Variants in SOS1 observed in about 807,000 individuals in gnomAD.
SOS1 encodes the protein son of sevenless homolog 1.
Under a neutral mutation model 157.6 loss-of-function variants are expected in SOS1, and 25 were observed. That is an observed-to-expected ratio of 0.16 (90% CI 0.12 to 0.22). The LOEUF (loss-of-function observed/expected upper bound fraction) is 0.22, where lower values mean the gene tolerates loss of function less well. Ranked by LOEUF, SOS1 falls within the 10% of genes least tolerant of loss-of-function variation. The pLI, the probability that SOS1 is intolerant of heterozygous loss-of-function variation, is 1.00. For missense variants in SOS1, 1,237 were observed against 1,599.1 expected, an observed-to-expected ratio of 0.77 and a Z score of 3.86; for synonymous variants, 528 against 534.0, an observed-to-expected ratio of 0.99 and a Z score of 0.16.
At chr2:39,090,289 G>A (rs956904782) in intron 1 of SOS1, among the ~76,000 whole-genome samples, 5 of 152,112 alleles carry the variant, frequency 3.3e-5, no homozygotes, top group African/African-American at 1.2e-4. Context: ...CCAGAGAAAT[G>A]TCTGATCCAA....
intron 21 of SOS1, 122 bp downstream of exon 21, chr2:38,989,148 G>C (rs1158855333): frequency 1.4e-6 from 1 of 716,250 alleles, no homozygotes; most frequent in African/African-American, 1.8e-5. Flanking sequence ...TCACTTCTAG[G>C]ATGTTGCAAG....
At chr2:39,061,622 A>G (rs1285320714) in intron 2 of SOS1, among the ~76,000 whole-genome samples, 1 of 152,122 alleles carries the variant, frequency 6.6e-6, no homozygotes, top group East Asian at 1.9e-4. Flanking sequence ...CCTGAGCTCA[A>G]AGTGATCCTT....
intron 8 of SOS1, among the ~76,000 whole-genome samples, chr2:39,030,766 T>C (rs762870560): frequency 1.3e-5 from 2 of 152,150 alleles, no homozygotes; most frequent in Non-Finnish European, 2.9e-5. Context: ...TGATCTTCTT[T>C]GGAAATAGGA....
Position 39,055,705 on chromosome 2 carries a change from T to G in SOS1, c.511-882A>C, listed in dbSNP as rs111557930. ...ATCAGTAAGAGTATAATGAGGAAAA[T>G]GGAATGAAATGCTTCATCAGAAAAC... On this transcript the variant is annotated intron_variant, in intron 4 of 22. Transcript: ENST00000402219. 6.3e-3 allele frequency among the ~76,000 whole-genome samples: 960 copies of G among 152,196 alleles called. 8 individuals are homozygous for G. Among genetic ancestry groups the G allele is most frequent in the African/African-American group, 0.022 (921 of 41,538 alleles).
chr2:39,029,021 T>A (rs557305491), intron 8 of SOS1, among the ~76,000 whole-genome samples: 1 of 152,334 alleles, frequency 6.6e-6, no homozygotes, highest in East Asian at 1.9e-4. Flanking sequence ...TGCTGTGTAA[T>A]TCAAGGCTTT....
chr2:39,080,064 T>C (rs1426096014), intron 1 of SOS1, among the ~76,000 whole-genome samples: 4 of 152,090 alleles, frequency 2.6e-5, no homozygotes, highest in African/African-American at 7.2e-5. Flanking sequence ...ATTACATTTA[T>C]TGTTTACTTT....
chr2:39,006,625 A>G (rs1669291000), intron 16 of SOS1, 96 bp from the exon 17 acceptor site: 1 of 746,368 alleles, frequency 1.3e-6, no homozygotes, highest in Non-Finnish European at 2.4e-6. Context: ...ATACAACAGT[A>G]TCAATTTGAT....
At chr2:39,045,172 C>T in intron 6 of SOS1, among the ~76,000 whole-genome samples, 1 of 151,200 alleles carries the variant, frequency 6.6e-6, no homozygotes, top group East Asian at 1.9e-4. Context: ...AATCCACAGT[C>T]GGTTGAATCC....
rs1489159567 is a variant in SOS1 at position 38,985,355 on chromosome 2, GA to G, written c.*468del. 1 of 189,854 alleles carries G rather than the reference GA, an allele frequency of 5.3e-6. No homozygotes were observed. Among genetic ancestry groups the G allele is most frequent in the Non-Finnish European group, 1.1e-5 (1 of 90,572 alleles). The allele number at this position is 189,854 out of a possible 1,614,324, so 11.8% of individuals were successfully genotyped here. ...TCACAGTCCTTTGAGTGATTTTTAAGAAAATATTCTAAAGTAGAAGAGTAAA... is the reference window on the plus strand; with the variant it reads ...TCACAGTCCTTTGAGTGATTTTTAAGAAATATTCTAAAGTAGAAGAGTAAA... On this transcript the variant is annotated 3_prime_UTR_variant, in exon 23 of 23. Transcript: ENST00000402219.
chr2:39,076,542 A>G (rs893330767), intron 1 of SOS1, among the ~76,000 whole-genome samples: 1 of 152,234 alleles, frequency 6.6e-6, no homozygotes, highest in Non-Finnish European at 1.5e-5. Context: ...AACAGATAAA[A>G]GGAGAAAAAT....
chr2:39,064,742 ATTTTTT>A (rs4015841), intron 2 of SOS1, among the ~76,000 whole-genome samples: 24 of 74,828 alleles, frequency 3.2e-4, no homozygotes, highest in Admixed American at 6.9e-4. Context: ...TTTAAAATAC[ATTTTTT>A]TTTTTTTTTT....
At chr2:39,099,382 T>C (rs1356627412) in intron 1 of SOS1, among the ~76,000 whole-genome samples, 1 of 152,184 alleles carries the variant, frequency 6.6e-6, no homozygotes, top group East Asian at 1.9e-4. Flanking sequence ...TTATATGAAA[T>C]GTCCAGAACA....
intron 8 of SOS1, among the ~76,000 whole-genome samples, chr2:39,028,615 T>G (rs963126687): frequency 1.3e-5 from 2 of 152,220 alleles, no homozygotes; most frequent in Non-Finnish European, 2.9e-5. Context: ...CCGTGACTTT[T>G]CACTATAATA....
intron 19 of SOS1, 95 bp downstream of exon 19, chr2:38,996,827 A>C (rs1170679936): frequency 1.3e-6 from 1 of 760,204 alleles, no homozygotes; most frequent in East Asian, 2.5e-5. Context: ...ACTTTTAACT[A>C]TCACATGTAT....
intron 19 of SOS1, 96 bp downstream of exon 19, chr2:38,996,826 T>G: frequency 1.3e-6 from 1 of 753,038 alleles, no homozygotes. Context: ...TACTTTTAAC[T>G]ATCACATGTA....
chr2:39,078,723 C>A (rs1188283007), intron 1 of SOS1, among the ~76,000 whole-genome samples: 1 of 152,088 alleles, frequency 6.6e-6, no homozygotes, highest in Non-Finnish European at 1.5e-5. Flanking sequence ...CATTCCCCCA[C>A]CATGGAAAAA....
intron 10 of SOS1, 26 bp downstream of exon 10, chr2:39,022,544 G>C: frequency 6.3e-7 from 1 of 1,589,744 alleles, no homozygotes; most frequent in Non-Finnish European, 8.6e-7. Flanking sequence ...GAAAACAAAA[G>C]TGACAGGCAA....
At chr2:39,011,653 G>A (rs1238047656) in intron 14 of SOS1, among the ~76,000 whole-genome samples, 1 of 152,136 alleles carries the variant, frequency 6.6e-6, no homozygotes, top group East Asian at 1.9e-4. Flanking sequence ...CATCAATGTA[G>A]TATGATTAAA....
At chr2:39,078,180 C>G (rs1672080641) in intron 1 of SOS1, among the ~76,000 whole-genome samples, 2 of 152,096 alleles carry the variant, frequency 1.3e-5, no homozygotes, top group Admixed American at 1.3e-4. Flanking sequence ...CAGCCTCAAT[C>G]TCAATCTCAA....
Sources: allele counts gnomAD v4.1 joint callset (sites outside exome capture counted in the v4.1 genomes callset), GRCh38; gene constraint gnomAD v4.1.1; transcripts MANE v1.5; gene names NCBI Gene and HGNC (gene_info 2026-07-23, HGNC 2026-07-21).